Variants in R3HCC1L observed in about 807,000 individuals in gnomAD.
The protein encoded by R3HCC1L is coiled-coil domain-containing protein R3HCC1L.
R3HCC1L carries 51 observed loss-of-function variants against 59.9 expected under a neutral mutation model. That is an observed-to-expected ratio of 0.85 (90% confidence interval 0.68 to 1.07). The LOEUF is 1.07. Among genes scored for constraint, R3HCC1L ranks in the 50% least tolerant of loss-of-function variants. The pLI is 0.00. For synonymous variants in R3HCC1L, 322 were observed against 315.2 expected (o/e 1.02, Z -0.23); for missense variants, 965 against 933.0 (o/e 1.03, Z -0.45).
intron 4 of R3HCC1L, among the ~76,000 whole-genome samples, chr10:98,187,409 GTCATAA>G (rs74997422): frequency 0.18 from 27,935 of 151,774 alleles, 2,645 homozygotes; most frequent in Middle Eastern, 0.21. Context: ...CTAAGAAACA[GTCATAA>G]TCATAGGTCT....
intron 2 of R3HCC1L, among the ~76,000 whole-genome samples, chr10:98,162,554 T>C (rs1030730114): frequency 2.6e-5 from 4 of 152,182 alleles, no homozygotes; most frequent in Non-Finnish European, 5.9e-5. Flanking sequence ...TTTTTATCCA[T>C]CTACCATTCA....
intron 4 of R3HCC1L, among the ~76,000 whole-genome samples, chr10:98,206,512 G>T (rs578238959): frequency 3.6e-4 from 54 of 152,000 alleles, no homozygotes; most frequent in Admixed American, 1.7e-3. Flanking sequence ...AGTGTTTATT[G>T]TTTACATCTA....
intron 4 of R3HCC1L, among the ~76,000 whole-genome samples, chr10:98,182,651 C>T (rs1477753609): frequency 6.6e-6 from 1 of 152,164 alleles, no homozygotes; most frequent in Non-Finnish European, 1.5e-5. Flanking sequence ...GAGGTGGAGT[C>T]TACAGAGGCC....
At position 98,211,364 on chromosome 10, in the gene R3HCC1L, C is replaced by G. The variant is rs202083729; in HGVS notation, c.1785+1465C>G. Reference sequence around the variant, plus strand: ...CTGCTCAAAGGTAATACACTTAAATCTATATCAGAATGTGAGTAGGGAACT... The same window carrying G: ...CTGCTCAAAGGTAATACACTTAAATGTATATCAGAATGTGAGTAGGGAACT... On this transcript the variant is annotated intron_variant, in intron 5 of 9. Coordinates refer to ENST00000298999, the MANE Select transcript of R3HCC1L (RefSeq NM_001351015.2). The G allele has an allele frequency of 2.6e-3, 4,022 of 1,529,124 alleles. 5 individuals carry two copies. Among genetic ancestry groups the G allele is most frequent in the Non-Finnish European group, 3.3e-3 (3,752 of 1,142,646 alleles). 94.7% of individuals were successfully genotyped at this position (1,529,124 alleles called of 1,614,324 possible).
chr10:98,174,734 T>C (rs1484183088), intron 4 of R3HCC1L: 1 of 984,022 alleles, frequency 1.0e-6, no homozygotes, highest in Non-Finnish European at 1.2e-6. Context: ...AATTGTAGAT[T>C]GACACCAAAT....
chr10:98,211,245 A>G, intron 5 of R3HCC1L: 1 of 1,072,400 alleles, frequency 9.3e-7, no homozygotes, highest in African/African-American at 1.6e-5. Context: ...AGTATCACCT[A>G]GGAACTTGTT....
chr10:98,204,523 A>G (rs867378686), intron 4 of R3HCC1L, among the ~76,000 whole-genome samples: 1 of 152,220 alleles, frequency 6.6e-6, no homozygotes, highest in Non-Finnish European at 1.5e-5. Flanking sequence ...CCCACTCCCA[A>G]TGTGAAAAGC....
rs1847624887 is a variant in R3HCC1L, at chr10:98,163,287, T to A, written c.-119-6T>A. ...ATAAAAATAACTTATTATTACTATTTTTCAGGTGAGGCTGCTGTCAGAAAG... is the reference window on the plus strand; with the variant it reads ...ATAAAAATAACTTATTATTACTATTATTCAGGTGAGGCTGCTGTCAGAAAG... On this transcript the variant is annotated splice_polypyrimidine_tract_variant and splice_region_variant and intron_variant, in intron 3 of 9. Transcript: ENST00000298999. The A allele has an allele frequency of 1.7e-6, 1 of 576,336 alleles. No homozygotes were observed. Among genetic ancestry groups the A allele is most frequent in the Admixed American group, 3.8e-5 (1 of 26,436 alleles). 35.7% of individuals were successfully genotyped at this position (576,336 alleles called of 1,614,324 possible).
chr10:98,187,481 G>C (rs555866952), intron 4 of R3HCC1L, among the ~76,000 whole-genome samples: 1 of 152,052 alleles, frequency 6.6e-6, no homozygotes, highest in Admixed American at 6.6e-5. Flanking sequence ...TGTAAAAAGG[G>C]CTAGTAATGT....
At chr10:98,207,038 C>G (rs1047847128) in intron 4 of R3HCC1L, among the ~76,000 whole-genome samples, 1 of 152,180 alleles carries the variant, frequency 6.6e-6, no homozygotes, top group East Asian at 1.9e-4. Context: ...TATTCTGGAC[C>G]AGGTGAAATT....
At chr10:98,233,846 T>G (rs1036918284) in intron 6 of R3HCC1L, among the ~76,000 whole-genome samples, 5 of 152,164 alleles carry the variant, frequency 3.3e-5, no homozygotes, top group Admixed American at 2.0e-4. Context: ...TCTTTCTAAT[T>G]TTTTCTTATT....
chr10:98,203,036 A>G (rs961328286), intron 4 of R3HCC1L, among the ~76,000 whole-genome samples: 5 of 152,192 alleles, frequency 3.3e-5, no homozygotes, highest in African/African-American at 1.2e-4. Context: ...TCTATAAAGG[A>G]CATTACAGGA....
chr10:98,233,930 GTTAC>G (rs1564736997), intron 6 of R3HCC1L, among the ~76,000 whole-genome samples: 1 of 151,186 alleles, frequency 6.6e-6, no homozygotes, highest in Non-Finnish European at 1.5e-5. Flanking sequence ...TTTTTTCCCC[GTTAC>G]TTGACTTTTT....
intron 5 of R3HCC1L, among the ~76,000 whole-genome samples, chr10:98,217,682 C>T (rs1277518061): frequency 6.6e-6 from 1 of 152,120 alleles, no homozygotes; most frequent in East Asian, 1.9e-4. Flanking sequence ...TGTGTTCTCT[C>T]CAGTTTTCTT....
At chr10:98,180,983 T>G (rs556830594) in intron 4 of R3HCC1L, among the ~76,000 whole-genome samples, 1 of 152,352 alleles carries the variant, frequency 6.6e-6, no homozygotes, top group East Asian at 1.9e-4. Flanking sequence ...AGCACACTGA[T>G]GGGTCTTGAC....
chr10:98,215,403 A>C (rs988310315), intron 5 of R3HCC1L, among the ~76,000 whole-genome samples: 1 of 144,204 alleles, frequency 6.9e-6, no homozygotes, highest in African/African-American at 2.6e-5. Flanking sequence ...ATTAGACATA[A>C]ATTTTTTTTT....
chr10:98,169,503 C>A (rs187450197), intron 4 of R3HCC1L, among the ~76,000 whole-genome samples: 32 of 152,290 alleles, frequency 2.1e-4, no homozygotes, highest in Admixed American at 1.4e-3. Context: ...GCTGATTATT[C>A]TTCTTTCTCT....
chr10:98,209,930 G>C (rs760122163), intron 5 of R3HCC1L, 31 bp downstream of exon 5: 9 of 1,528,060 alleles, frequency 5.9e-6, no homozygotes, highest in Non-Finnish European at 7.1e-6. Context: ...TTGATGCTTA[G>C]TTAGTTTATA....
intron 1 of R3HCC1L, among the ~76,000 whole-genome samples, chr10:98,136,095 C>T (rs1300679150): frequency 6.6e-6 from 1 of 151,534 alleles, no homozygotes; most frequent in Non-Finnish European, 1.5e-5. Context: ...TCAAATGATC[C>T]TCCCGCCTCG....
Sources: allele counts gnomAD v4.1 joint callset (sites outside exome capture counted in the v4.1 genomes callset), GRCh38; gene constraint gnomAD v4.1.1; transcripts MANE v1.5; gene names NCBI Gene and HGNC (gene_info 2026-07-23, HGNC 2026-07-21).